LHFPL3: variants seen among roughly 807,000 people sequenced by gnomAD.
The protein encoded by LHFPL3 is LHFPL tetraspan subfamily member 3, also known as LHFPL tetraspan subfamily member 3 protein.
In LHFPL3, 5 loss-of-function variants were observed where a neutral mutation model predicts 19.3. The ratio of observed to expected loss-of-function variants is 0.26; its 90% CI spans 0.14 to 0.54. LHFPL3 has a LOEUF of 0.54. Ranked by LOEUF, LHFPL3 falls within the 20% of genes least tolerant of loss-of-function variation. The pLI is 0.94. For missense variants in LHFPL3, 249 were observed against 307.4 expected, an observed-to-expected ratio of 0.81 and a Z score of 1.42; for synonymous variants, 133 against 126.2, an observed-to-expected ratio of 1.05 and a Z score of -0.36.
At chr7:104,387,262 G>A (rs1326158132) in intron 1 of LHFPL3, among the ~76,000 whole-genome samples, 1 of 152,100 alleles carries the variant, frequency 6.6e-6, no homozygotes, top group Non-Finnish European at 1.5e-5. Flanking sequence ...CAGCTACTTG[G>A]GAGGCTAAGG....
Position 104,358,664 on chromosome 7 carries a change from G to T in LHFPL3, c.445+29440G>T, listed in dbSNP as rs566642757. ...ACAGAGCCAGTGATGGAGATCTTCA[G>T]ATACAAGAAGCTTTTGTTTAGAGCA... On this transcript the variant is annotated intron_variant, in intron 1 of 2. Transcript: ENST00000424859. Among the ~76,000 whole-genome samples the T allele has an allele frequency of 5.9e-5, 9 of 152,312 alleles. No individual in the cohort carries two copies. The East Asian group carries it at 1.5e-3, about 26-fold the overall frequency.
intron 1 of LHFPL3, among the ~76,000 whole-genome samples, chr7:104,462,040 G>A (rs147673494): frequency 1.2e-4 from 18 of 151,986 alleles, no homozygotes; most frequent in African/African-American, 4.1e-4. Flanking sequence ...TTGGCTCTCG[G>A]CTTAGCTGTT....
At chr7:104,550,088 T>C (rs1345994957) in intron 1 of LHFPL3, among the ~76,000 whole-genome samples, 2 of 152,042 alleles carry the variant, frequency 1.3e-5, no homozygotes, top group East Asian at 3.9e-4. Flanking sequence ...GTTTTGCAGA[T>C]TGAACCTAAA....
At chr7:104,601,532 G>A (rs149753481) in intron 1 of LHFPL3, among the ~76,000 whole-genome samples, 1 of 152,130 alleles carries the variant, frequency 6.6e-6, no homozygotes, top group African/African-American at 2.4e-5. Context: ...CAGATATAGG[G>A]GAGAGGGGTT....
At chr7:104,525,556 A>G (rs899619003) in intron 1 of LHFPL3, among the ~76,000 whole-genome samples, 1 of 151,914 alleles carries the variant, frequency 6.6e-6, no homozygotes. Flanking sequence ...GTCCAGAGTA[A>G]TGATCCTCCA....
chr7:104,602,996 G>C (rs1020802748), intron 1 of LHFPL3, among the ~76,000 whole-genome samples: 1 of 151,882 alleles, frequency 6.6e-6, no homozygotes, highest in South Asian at 2.1e-4. Flanking sequence ...TGACCTAATC[G>C]CCTCTTAAAG....
chr7:104,523,874 C>T (rs950724052), intron 1 of LHFPL3, among the ~76,000 whole-genome samples: 2 of 152,156 alleles, frequency 1.3e-5, no homozygotes, highest in Non-Finnish European at 2.9e-5. Flanking sequence ...TTAAAATACT[C>T]AGATTCATGG....
At chr7:104,655,379 G>T (rs1271393137) in intron 1 of LHFPL3, among the ~76,000 whole-genome samples, 1 of 152,160 alleles carries the variant, frequency 6.6e-6, no homozygotes, top group Non-Finnish European at 1.5e-5. Flanking sequence ...TTATGAATAG[G>T]TGCATTGACA....
At chr7:104,365,508 G>T (rs1437790772) in intron 1 of LHFPL3, among the ~76,000 whole-genome samples, 1 of 151,626 alleles carries the variant, frequency 6.6e-6, no homozygotes, top group Non-Finnish European at 1.5e-5. Context: ...TCGGCCGGGC[G>T]CGGTGGCTCA....
chr7:104,890,362 T>TA (rs1792221536), intron 2 of LHFPL3, among the ~76,000 whole-genome samples: 1 of 152,186 alleles, frequency 6.6e-6, no homozygotes, highest in African/African-American at 2.4e-5. Flanking sequence ...CAGGAGGCCT[T>TA]ACTGGTCCTG....
At chr7:104,579,159 T>C (rs1453689555) in intron 1 of LHFPL3, among the ~76,000 whole-genome samples, 1 of 152,212 alleles carries the variant, frequency 6.6e-6, no homozygotes, top group African/African-American at 2.4e-5. Flanking sequence ...ATATGCTTTA[T>C]TCTGTCTTTT....
intron 2 of LHFPL3, among the ~76,000 whole-genome samples, chr7:104,877,407 C>T (rs1389636722): frequency 2.6e-5 from 4 of 151,962 alleles, no homozygotes; most frequent in African/African-American, 9.7e-5. Flanking sequence ...TTTTAAAACT[C>T]TACAATAAAA....
intron 1 of LHFPL3, among the ~76,000 whole-genome samples, chr7:104,510,023 G>A (rs963673803): frequency 9.2e-5 from 14 of 151,920 alleles, no homozygotes; most frequent in African/African-American, 3.1e-4. Context: ...GATACTTTGG[G>A]GTCCTAAAAC....
At chr7:104,489,364 G>A (rs1414868661) in intron 1 of LHFPL3, among the ~76,000 whole-genome samples, 2 of 151,820 alleles carry the variant, frequency 1.3e-5, no homozygotes, top group Non-Finnish European at 2.9e-5. Context: ...GAAATCTTAA[G>A]TTTTGAACAA....
intron 1 of LHFPL3, among the ~76,000 whole-genome samples, chr7:104,614,711 C>T (rs1001691090): frequency 1.5e-5 from 2 of 136,338 alleles, no homozygotes; most frequent in African/African-American, 5.6e-5. Flanking sequence ...TTCTTTCTTT[C>T]TTTCTTTCTT....
chr7:104,734,519 G>A (rs1056619289), intron 1 of LHFPL3, among the ~76,000 whole-genome samples: 3 of 152,138 alleles, frequency 2.0e-5, no homozygotes, highest in African/African-American at 7.2e-5. Flanking sequence ...ATCAGCTACT[G>A]AAGCTTGTGC....
chr7:104,752,929 G>A (rs948576297), intron 2 of LHFPL3: 4 of 333,494 alleles, frequency 1.2e-5, no homozygotes, highest in African/African-American at 2.1e-5. Flanking sequence ...CATCAGTGTG[G>A]TCCAGTTATT....
In LHFPL3 at chr7:104,521,049, G is replaced by A. The variant is rs376908984; in HGVS notation, c.445+191825G>A. On this transcript the variant is annotated intron_variant, in intron 1 of 2. Transcript: ENST00000424859. ...TTTTAATTGTGATGTTAGGGTGTCAGTTTTGGATCTTTCCTGCTTTCTCTT... is the reference window on the plus strand; with the variant it reads ...TTTTAATTGTGATGTTAGGGTGTCAATTTTGGATCTTTCCTGCTTTCTCTT... Among the ~76,000 whole-genome samples the A allele has an allele frequency of 6.4e-3, 970 of 151,994 alleles. 8 individuals are homozygous for A. The highest frequency in any genetic ancestry group is 0.022 in the African/African-American group (930 of 41,388).
chr7:104,732,858 A>T (rs1793731262), intron 1 of LHFPL3, among the ~76,000 whole-genome samples: 1 of 152,138 alleles, frequency 6.6e-6, no homozygotes, highest in Admixed American at 6.5e-5. Context: ...TCTTGTGGGC[A>T]TTTAGTGCTG....
Sources: gnomAD v4.1 joint callset for allele counts (sites outside exome capture counted in the v4.1 genomes callset) on GRCh38, gnomAD v4.1.1 for gene constraint, MANE v1.5 for transcripts, NCBI Gene and HGNC (gene_info 2026-07-23, HGNC 2026-07-21) for gene names.